Variants in USH2A observed in about 807,000 individuals in gnomAD.
USH2A encodes usherin.
USH2A carries 443 observed loss-of-function variants against 538.9 expected under a neutral mutation model. The observed-to-expected ratio is 0.82, with a 90% CI of 0.76 to 0.89. USH2A has a LOEUF of 0.89. USH2A is among the 40% of genes least tolerant of loss of function. The probability of loss-of-function intolerance (pLI) is 0.00; values close to 1 mark genes in which losing one functional copy is unlikely to be tolerated. For synonymous variants in USH2A, 2,413 were observed against 2,273.5 expected, an observed-to-expected ratio of 1.06 and a Z score of -1.75; for missense variants, 6,633 against 6,324.8, an observed-to-expected ratio of 1.05 and a Z score of -1.65.
chr1:215,854,850 C>A (rs1664117239), intron 44 of USH2A, among the ~76,000 whole-genome samples: 3 of 152,180 alleles, frequency 2.0e-5, no homozygotes, highest in African/African-American at 7.2e-5. Context: ...ATGTGCTCGA[C>A]AAAGAAAAGG....
rs1656164982 is a variant in USH2A, at chr1:215,628,982, G to T, written c.15351C>A (p.Ser5117Arg). 6.2e-7 allele frequency: 1 copy of T among 1,613,840 alleles called. No individual in the cohort carries two copies. Among genetic ancestry groups the T allele is most frequent in the Admixed American group, 1.7e-5 (1 of 60,010 alleles). ...TGCGCAGGACACATGCACTCCGGTTGCTGCGGATACTCACAGGTGTCCCAG... is the reference window on the plus strand; with the variant it reads ...TGCGCAGGACACATGCACTCCGGTTTCTGCGGATACTCACAGGTGTCCCAG... ...PRSGTPVSIR[S>R]NRSACVLRIP... Residue 5117 changes from serine to arginine, a missense_variant, in exon 71 of 72, where the codon AGC becomes AGA. Physicochemically the swap from Ser to Arg is moderately radical, Grantham distance 110 (BLOSUM62 -1). Transcript: ENST00000307340.
intron 61 of USH2A, among the ~76,000 whole-genome samples, chr1:215,708,674 CA>C (rs1659252104): frequency 6.6e-6 from 1 of 152,110 alleles, no homozygotes; most frequent in Non-Finnish European, 1.5e-5. Context: ...ATGTGAGAAG[CA>C]ATTGCCACAG....
intron 37 of USH2A, among the ~76,000 whole-genome samples, chr1:215,939,818 TTGAC>T (rs1371247441): frequency 6.6e-6 from 1 of 152,136 alleles, no homozygotes; most frequent in African/African-American, 2.4e-5. Flanking sequence ...ATTCTATAAT[TTGAC>T]TGGCTGGCCA....
intron 3 of USH2A, among the ~76,000 whole-genome samples, chr1:216,367,760 C>A (rs373180363): frequency 5.3e-5 from 8 of 152,258 alleles, no homozygotes; most frequent in African/African-American, 1.7e-4. Flanking sequence ...ATTCTCTAAA[C>A]TATTTTACAA....
At chr1:215,994,995 G>T (rs1460302056) in intron 34 of USH2A, among the ~76,000 whole-genome samples, 2 of 152,114 alleles carry the variant, frequency 1.3e-5, no homozygotes, top group Middle Eastern at 6.8e-3. Flanking sequence ...TCCTTAGAAG[G>T]GAAAAATGTT....
intron 21 of USH2A, among the ~76,000 whole-genome samples, chr1:216,105,222 T>C (rs2032701463): frequency 1.3e-5 from 2 of 152,250 alleles, no homozygotes; most frequent in South Asian, 4.1e-4. Flanking sequence ...TGAGAAATCT[T>C]TACCAACACC....
intron 34 of USH2A, among the ~76,000 whole-genome samples, chr1:215,995,662 C>A (rs1455749340): frequency 6.6e-6 from 1 of 152,006 alleles, no homozygotes; most frequent in Non-Finnish European, 1.5e-5. Flanking sequence ...ATTAAAAATG[C>A]CTTTATGAAA....
At chr1:215,951,993 T>C (rs1163554487) in intron 37 of USH2A, among the ~76,000 whole-genome samples, 1 of 151,004 alleles carries the variant, frequency 6.6e-6, no homozygotes, top group Non-Finnish European at 1.5e-5. Flanking sequence ...GCCTCCCGAG[T>C]AGCTGGGACT....
At chr1:216,130,586 C>T (rs2033353941) in intron 21 of USH2A, among the ~76,000 whole-genome samples, 1 of 143,044 alleles carries the variant, frequency 7.0e-6, no homozygotes, top group African/African-American at 2.6e-5. Flanking sequence ...ATATATAATA[C>T]ACATTATATA....
At chr1:216,043,325 C>T (rs955533967) in intron 32 of USH2A, among the ~76,000 whole-genome samples, 2 of 151,944 alleles carry the variant, frequency 1.3e-5, no homozygotes, top group Non-Finnish European at 2.9e-5. Flanking sequence ...ATTTCCCCTC[C>T]TTGACCAGCA....
Position 216,365,105 on chromosome 1 carries a change from T to C in USH2A, c.652-20A>G. ...ATGCACCTGTAAGAAATTACCACCA[T>C]TATTAGTTTAAGTGCATAAACTTTT... On this transcript the variant is annotated intron_variant, in intron 3 of 71. Coordinates refer to ENST00000307340, the MANE Select transcript of USH2A (RefSeq NM_206933.4). The C allele has an allele frequency of 6.2e-7, 1 of 1,607,540 alleles. No homozygotes were observed. Among genetic ancestry groups the C allele is most frequent in the Non-Finnish European group, 8.5e-7 (1 of 1,177,130 alleles).
intron 11 of USH2A, among the ~76,000 whole-genome samples, chr1:216,283,707 G>A (rs1476635737): frequency 6.6e-6 from 1 of 152,118 alleles, no homozygotes; most frequent in African/African-American, 2.4e-5. Flanking sequence ...ATGTATGTAA[G>A]GAAACTATCC....
chr1:215,687,369 GT>G (rs138044252), intron 61 of USH2A, among the ~76,000 whole-genome samples: 58 of 147,494 alleles, frequency 3.9e-4, no homozygotes, highest in African/African-American at 1.4e-3. Flanking sequence ...AAGGGAGAAG[GT>G]TTTTTTTTTC....
intron 3 of USH2A, among the ~76,000 whole-genome samples, chr1:216,413,088 A>G (rs747881353): frequency 2.0e-5 from 3 of 152,086 alleles, no homozygotes; most frequent in Non-Finnish European, 4.4e-5. Context: ...TATTTTGAAT[A>G]ACCCAAAACT....
intron 20 of USH2A, among the ~76,000 whole-genome samples, chr1:216,189,147 A>C (rs919240770): frequency 6.6e-6 from 1 of 151,980 alleles, no homozygotes; most frequent in African/African-American, 2.4e-5. Context: ...CAAAGTGTTC[A>C]GTTATAAATT....
intron 13 of USH2A, among the ~76,000 whole-genome samples, chr1:216,239,891 G>T (rs1417574553): frequency 1.3e-5 from 2 of 151,862 alleles, no homozygotes. Context: ...GAGGGCTCAA[G>T]GATGTCTGCA....
chr1:215,641,515 G>T (rs1303120660), intron 67 of USH2A, among the ~76,000 whole-genome samples: 1 of 151,992 alleles, frequency 6.6e-6, no homozygotes, highest in Non-Finnish European at 1.5e-5. Flanking sequence ...CCTTAACTGG[G>T]GCTCACCTTT....
chr1:215,918,957 G>C (rs1666029284), intron 38 of USH2A, among the ~76,000 whole-genome samples: 1 of 151,960 alleles, frequency 6.6e-6, no homozygotes, highest in Non-Finnish European at 1.5e-5. Flanking sequence ...TGAACCTAGG[G>C]GGATTTAGAA....
intron 61 of USH2A, among the ~76,000 whole-genome samples, chr1:215,697,662 C>T (rs1370718236): frequency 1.3e-5 from 2 of 152,086 alleles, no homozygotes; most frequent in East Asian, 3.9e-4. Context: ...TCTGGGATTA[C>T]AGGCATGTGC....
Sources: allele counts gnomAD v4.1 joint callset (sites outside exome capture counted in the v4.1 genomes callset), GRCh38; gene constraint gnomAD v4.1.1; transcripts MANE v1.5; gene names NCBI Gene and HGNC (gene_info 2026-07-23, HGNC 2026-07-21).